PLEKHA6: variants seen among roughly 807,000 people sequenced by gnomAD.
PLEKHA6 encodes the protein pleckstrin homology domain-containing family A member 6.
Under a neutral mutation model 116.7 loss-of-function variants are expected in PLEKHA6, and 60 were observed. That is an observed-to-expected ratio of 0.51 (90% CI 0.42 to 0.64). The LOEUF is 0.64. Ranked by LOEUF, PLEKHA6 falls within the 30% of genes least tolerant of loss-of-function variation. The pLI is 0.00. For synonymous variants in PLEKHA6, 489 were observed against 556.1 expected (o/e 0.88, Z 1.70); for missense variants, 1,338 against 1,422.7 (o/e 0.94, Z 0.96).
At chr1:204,359,522 C>T (rs1673509482) in intron 1 of PLEKHA6, 172 bp downstream of exon 1, 1 of 746,990 alleles carries the variant, frequency 1.3e-6, no homozygotes, top group African/African-American at 1.9e-5. Context: ...AATTAGCATT[C>T]TCAGCATCCA....
rs1302905229 is a variant in PLEKHA6, at chr1:204,261,984, C to G, written c.382-536G>C. 6.3e-6 allele frequency: 1 copy of G among 158,810 alleles called. No homozygotes were observed. The highest frequency in any genetic ancestry group is 1.9e-4 in the East Asian group (1 of 5,372). The allele number at this position is 158,810 out of a possible 1,614,324, so 9.8% of individuals were successfully genotyped here. ...CCTAGTTGGTGGCTGCGAGCAGGTA[C>G]TGCGGGCGGGAACCCAGAAGAGAGC... On this transcript the variant is annotated intron_variant, in intron 6 of 22. Transcript: ENST00000272203. The surrounding 1 kb of genome is among the most constrained non-coding windows in gnomAD (Gnocchi z 4.0).
At chr1:204,337,946 A>G (rs1672710048) in intron 1 of PLEKHA6, among the ~76,000 whole-genome samples, 1 of 152,248 alleles carries the variant, frequency 6.6e-6, no homozygotes, top group South Asian at 2.1e-4. Flanking sequence ...GCAATAGGGA[A>G]TGAATGCCCA....
chr1:204,279,832 C>T (rs6703961), intron 1 of PLEKHA6, among the ~76,000 whole-genome samples: 69,847 of 151,988 alleles, frequency 0.46, 16,363 homozygotes, highest in Middle Eastern at 0.56. Context: ...AAATGAGGTA[C>T]CTTCTAACTA....
chr1:204,338,419 GTCATTAGTTCATAAGAAC>G (rs935242126), intron 1 of PLEKHA6, among the ~76,000 whole-genome samples: 2 of 152,188 alleles, frequency 1.3e-5, no homozygotes, highest in African/African-American at 4.8e-5. Context: ...CTCCATTAAG[GTCATTAGTTCATAAGAAC>G]TCATTAGTTC....
chr1:204,263,401 G>A lies in PLEKHA6; in HGVS notation c.381+1541C>T, dbSNP rs140590453. Among the ~76,000 whole-genome samples, 776 of 152,296 alleles carry A rather than the reference G, an allele frequency of 5.1e-3. 8 individuals carry two copies. The highest frequency in any genetic ancestry group is 8.3e-3 in the Non-Finnish European group (565 of 68,014). On this transcript the variant is annotated intron_variant, in intron 6 of 22. Transcript: ENST00000272203. ...TCCTGGCTCATTCTTAGCCATCCAAGAGTTTCGCTCGGTGGCCACAACAGG... is the reference window on the plus strand; with the variant it reads ...TCCTGGCTCATTCTTAGCCATCCAAAAGTTTCGCTCGGTGGCCACAACAGG...
rs1330473641 is a variant in PLEKHA6, at chr1:204,261,732, T to TTAAA, written c.382-288_382-285dup. On this transcript the variant is annotated intron_variant, in intron 6 of 22. Transcript: ENST00000272203. This position sits in a 1 kb window ranked among gnomAD's most constrained non-coding sequence, Gnocchi z 4.0. ...AGCCTACTTGCCCCACCTGGGGTAA[T>TTAAA]TAAAGCAGGAGGGACAATGATCACA... Among the ~76,000 whole-genome samples, 3 of 152,176 alleles carry TTAAA rather than the reference T, an allele frequency of 2.0e-5. No homozygotes were observed. Among genetic ancestry groups the TTAAA allele is most frequent in the Non-Finnish European group, 4.4e-5 (3 of 68,024 alleles).
Position 204,241,425 on chromosome 1 carries a change from C to T in PLEKHA6, c.2359G>A (p.Ala787Thr). Reference sequence around the variant, plus strand: ...CCACTGGCATTCCTTCTTACCACTGCTGATGGGGTCACCTCATCATCAGTG... The same window carrying T: ...CCACTGGCATTCCTTCTTACCACTGTTGATGGGGTCACCTCATCATCAGTG... ...SPTDDEVTPS[A>T]VVRRNASGLT... The change falls in exon 17 of 23, where the codon GCA (alanine) becomes ACA (threonine). Residue 787 changes from alanine (A) to threonine (T), a missense_variant. Ala to Thr is a moderately conservative substitution (Grantham distance 58). Transcript: ENST00000272203. 1 of 1,611,604 alleles carries T rather than the reference C, an allele frequency of 6.2e-7. No individual in the cohort carries two copies. Among genetic ancestry groups the T allele is most frequent in the Non-Finnish European group, 8.5e-7 (1 of 1,179,056 alleles).
At chr1:204,275,710 G>A (rs902660324) in intron 1 of PLEKHA6, 2 of 985,084 alleles carry the variant, frequency 2.0e-6, no homozygotes, top group Non-Finnish European at 2.4e-6. Flanking sequence ...CTGATGCAGC[G>A]GTCTAAGCCA....
At chr1:204,357,823 G>A (rs1450919579) in intron 1 of PLEKHA6, among the ~76,000 whole-genome samples, 12 of 152,362 alleles carry the variant, frequency 7.9e-5, no homozygotes, top group East Asian at 3.9e-4. Flanking sequence ...AAGAGAGCTC[G>A]CTCTATGAGC....
At chr1:204,267,627 A>G (rs577747729) in intron 4 of PLEKHA6, 80 bp from the exon 5 acceptor site, 2 of 1,200,248 alleles carry the variant, frequency 1.7e-6, no homozygotes, top group South Asian at 2.4e-5. Flanking sequence ...AAAAGGGCAC[A>G]GTGCCAATTA....
chr1:204,248,462 C>T (rs1664086753), intron 12 of PLEKHA6, among the ~76,000 whole-genome samples: 1 of 152,188 alleles, frequency 6.6e-6, no homozygotes, highest in Non-Finnish European at 1.5e-5. Flanking sequence ...CTGGCAGCAG[C>T]CTTTTTGCCA....
intron 21 of PLEKHA6, among the ~76,000 whole-genome samples, chr1:204,226,602 T>A (rs1282066098): frequency 6.6e-6 from 1 of 152,194 alleles, no homozygotes; most frequent in Non-Finnish European, 1.5e-5. Flanking sequence ...TGCTGCCTTT[T>A]GGCTGCAGGA....
intron 1 of PLEKHA6, among the ~76,000 whole-genome samples, chr1:204,348,528 A>G (rs1673154573): frequency 6.6e-6 from 1 of 152,178 alleles, no homozygotes; most frequent in African/African-American, 2.4e-5. Flanking sequence ...GGCTGAATTC[A>G]CACAGCATGG....
intron 1 of PLEKHA6, chr1:204,317,234 G>T: frequency 1.0e-6 from 1 of 976,700 alleles, no homozygotes; most frequent in Non-Finnish European, 1.2e-6. Flanking sequence ...GCCTAAAGAG[G>T]CCCTCAGGGA....
At chr1:204,308,801 C>G (rs973425898) in intron 1 of PLEKHA6, among the ~76,000 whole-genome samples, 3 of 144,094 alleles carry the variant, frequency 2.1e-5, no homozygotes, top group East Asian at 2.1e-4. Context: ...CCATTCTCCT[C>G]CCTCAGCCTC....
intron 1 of PLEKHA6, among the ~76,000 whole-genome samples, chr1:204,279,030 T>C (rs1668317293): frequency 6.6e-6 from 1 of 152,164 alleles, no homozygotes; most frequent in African/African-American, 2.4e-5. Context: ...TCAGCTTCCC[T>C]GCCTAGCTCC....
At chr1:204,243,402 C>T (rs1218209259) in intron 15 of PLEKHA6, 8 of 397,894 alleles carry the variant, frequency 2.0e-5, no homozygotes, top group East Asian at 1.1e-4. Context: ...CACTCCCACC[C>T]GTGGCCTGAA....
chr1:204,331,631 G>T (rs945806462), intron 1 of PLEKHA6, among the ~76,000 whole-genome samples: 3 of 152,142 alleles, frequency 2.0e-5, no homozygotes, highest in African/African-American at 7.2e-5. Context: ...AACATAGAAG[G>T]TGAGAGAATC....
chr1:204,257,943 G>A lies in PLEKHA6; in HGVS notation c.1008-74C>T. On this transcript the variant is annotated intron_variant, in intron 8 of 22. Transcript: ENST00000272203. The surrounding 1 kb of genome is among the most constrained non-coding windows in gnomAD (Gnocchi z 6.5). ...TCCACCCACCCCAGCCCCACCTCCA[G>A]GTCCCCCAGCCTAGAGCAGGGTGCT... 1 of 1,394,116 alleles carries A rather than the reference G, an allele frequency of 7.2e-7. No individual in the cohort carries two copies. The highest frequency in any genetic ancestry group is 2.0e-5 in the Admixed American group (1 of 49,762). 86.4% of individuals were successfully genotyped at this position (1,394,116 alleles called of 1,614,324 possible).
Sources: gnomAD v4.1 joint callset for allele counts (sites outside exome capture counted in the v4.1 genomes callset) on GRCh38, gnomAD v4.1.1 for gene constraint, Gnocchi (gnomAD v3.1) non-coding constraint, MANE v1.5 for transcripts, NCBI Gene and HGNC (gene_info 2026-07-23, HGNC 2026-07-21) for gene names.